Variants in EPHA5 observed in about 807,000 individuals in gnomAD.
EPHA5 encodes ephrin type-A receptor 5.
A neutral mutation model predicts 105.0 loss-of-function variants in EPHA5; 60 were observed. The ratio of observed to expected loss-of-function variants is 0.57; its 90% confidence interval spans 0.46 to 0.71. The LOEUF (loss-of-function observed/expected upper bound fraction) is 0.71, where lower values mean the gene tolerates loss of function less well. EPHA5 is among the 30% of genes least tolerant of loss of function. EPHA5 has a pLI of 0.00. For synonymous variants in EPHA5, 513 were observed against 449.1 expected (o/e 1.14, Z -1.80); for missense variants, 1,218 against 1,274.7 (o/e 0.96, Z 0.68).
intron 3 of EPHA5, among the ~76,000 whole-genome samples, chr4:65,502,433 A>G (rs186775673): frequency 4.0e-4 from 61 of 151,940 alleles, no homozygotes; most frequent in South Asian, 8.3e-4. Context: ...GCCCCATTAA[A>G]AAGCAGGCAA....
intron 11 of EPHA5, among the ~76,000 whole-genome samples, chr4:65,361,585 T>C (rs1490605909): frequency 4.0e-5 from 6 of 151,508 alleles, no homozygotes; most frequent in Non-Finnish European, 8.9e-5. Flanking sequence ...TAAGACCCTG[T>C]ATAAAGAAAA....
intron 3 of EPHA5, among the ~76,000 whole-genome samples, chr4:65,545,150 T>C (rs1737250835): frequency 6.6e-6 from 1 of 151,944 alleles, no homozygotes; most frequent in Non-Finnish European, 1.5e-5. Context: ...ATTTCTGCTA[T>C]AGTAACTTAT....
At chr4:65,585,954 T>C (rs1742080557) in intron 3 of EPHA5, among the ~76,000 whole-genome samples, 1 of 150,484 alleles carries the variant, frequency 6.6e-6, no homozygotes, top group Non-Finnish European at 1.5e-5. Context: ...CACTGAGAAA[T>C]ACAAAAGTTA....
chr4:65,369,791 A>G (rs972038605), intron 8 of EPHA5, among the ~76,000 whole-genome samples: 1 of 152,044 alleles, frequency 6.6e-6, no homozygotes, highest in Admixed American at 6.6e-5. Flanking sequence ...ACACAGTGAA[A>G]CCCAGTATCT....
chr4:65,564,075 TAAAC>T lies in EPHA5; in HGVS notation c.910+37562_910+37565del, dbSNP rs541108534. ...CTCTTTGCTATGCTTCACACAGTTT[TAAAC>T]AAACAAACAAAAAATGATTTCTTTG... On this transcript the variant is annotated intron_variant, in intron 3 of 16. Transcript: ENST00000613740. Among the ~76,000 whole-genome samples the T allele has an allele frequency of 3.9e-3, 599 of 152,052 alleles. 3 individuals carry two copies. The highest frequency in any genetic ancestry group is 0.014 in the African/African-American group (566 of 41,540).
At chr4:65,421,512 A>C (rs1723943595) in intron 5 of EPHA5, among the ~76,000 whole-genome samples, 1 of 152,172 alleles carries the variant, frequency 6.6e-6, no homozygotes, top group Non-Finnish European at 1.5e-5. Context: ...TTGAATCATG[A>C]ATTATGCTCA....
chr4:65,607,409 T>C (rs1470473306), intron 2 of EPHA5, among the ~76,000 whole-genome samples: 2 of 151,702 alleles, frequency 1.3e-5, no homozygotes, highest in Non-Finnish European at 2.9e-5. Context: ...TGGGAGAAAA[T>C]TTCTGAAATC....
At chr4:65,567,017 A>G (rs1739610789) in intron 3 of EPHA5, among the ~76,000 whole-genome samples, 1 of 151,668 alleles carries the variant, frequency 6.6e-6, no homozygotes, top group South Asian at 2.1e-4. Flanking sequence ...ACACACACCC[A>G]TATACAAACA....
At chr4:65,556,515 A>G (rs548233902) in intron 3 of EPHA5, among the ~76,000 whole-genome samples, 1 of 152,334 alleles carries the variant, frequency 6.6e-6, no homozygotes, top group African/African-American at 2.4e-5. Flanking sequence ...GCATTAAGTT[A>G]CGTTTCTATG....
intron 16 of EPHA5, among the ~76,000 whole-genome samples, chr4:65,326,016 T>C (rs1421656329): frequency 6.8e-6 from 1 of 145,988 alleles, no homozygotes; most frequent in Admixed American, 6.9e-5. Context: ...ATATATCTCA[T>C]ATATATATAT....
chr4:65,485,604 T>G (rs1316221119), intron 5 of EPHA5, among the ~76,000 whole-genome samples: 1 of 152,174 alleles, frequency 6.6e-6, no homozygotes, highest in Non-Finnish European at 1.5e-5. Context: ...TATGTATACA[T>G]TTATAAATCA....
In EPHA5 at chr4:65,413,936, C is replaced by G. The variant is rs570933317; in HGVS notation, c.1687+348G>C. The stretch of plus-strand genomic sequence containing the variant: ...GTGGAATTTTCAAAGAAAGACTAAA[C>G]CTAGTAGCCTAGTTCAATAAAACGA... On this transcript the variant is annotated intron_variant, in intron 7 of 16. Coordinates refer to ENST00000613740, the MANE Select transcript of EPHA5 (RefSeq NM_001281766.3). 7.2e-5 allele frequency among the ~76,000 whole-genome samples: 11 copies of G among 152,212 alleles called. No individual in the cohort carries two copies. The East Asian group carries it at 2.1e-3, about 29-fold the overall frequency.
At chr4:65,666,707 T>C (rs1749996107) in intron 1 of EPHA5, among the ~76,000 whole-genome samples, 1 of 152,214 alleles carries the variant, frequency 6.6e-6, no homozygotes, top group Non-Finnish European at 1.5e-5. Flanking sequence ...TAAGGATATA[T>C]TTATCTTATA....
intron 3 of EPHA5, among the ~76,000 whole-genome samples, chr4:65,591,689 T>A (rs1032072471): frequency 2.0e-5 from 3 of 151,938 alleles, no homozygotes; most frequent in Admixed American, 6.6e-5. Context: ...TTTCCCTAAG[T>A]CATGTAAATT....
chr4:65,514,117 T>C lies in EPHA5; in HGVS notation c.911-18574A>G, dbSNP rs148668132. On this transcript the variant is annotated intron_variant, in intron 3 of 16. Coordinates refer to ENST00000613740, the MANE Select transcript of EPHA5 (RefSeq NM_001281766.3). ...AGTAGTAGCTGTTCTCTCCCATGCT[T>C]GCTATAATGGGGTTCTGCATAGGAT... Among the ~76,000 whole-genome samples the C allele has an allele frequency of 2.1e-3, 318 of 152,320 alleles. 1 individual carries two copies. Among genetic ancestry groups the C allele is most frequent in the African/African-American group, 7.0e-3 (291 of 41,580 alleles).
intron 2 of EPHA5, among the ~76,000 whole-genome samples, chr4:65,623,163 G>A (rs1745851481): frequency 6.6e-6 from 1 of 151,932 alleles, no homozygotes; most frequent in Non-Finnish European, 1.5e-5. Context: ...GAAAAGATGG[G>A]TTAGTACACT....
chr4:65,616,182 A>G (rs550935008), intron 2 of EPHA5, among the ~76,000 whole-genome samples: 48 of 152,104 alleles, frequency 3.2e-4, no homozygotes, highest in South Asian at 1.0e-3. Flanking sequence ...AAAATCATAC[A>G]CAAAACGTTA....
intron 12 of EPHA5, among the ~76,000 whole-genome samples, chr4:65,352,376 C>T (rs1722897646): frequency 6.6e-6 from 1 of 152,006 alleles, no homozygotes; most frequent in Non-Finnish European, 1.5e-5. Flanking sequence ...ATTAAAATTA[C>T]AAACTGCCAG....
Position 65,602,175 on chromosome 4 carries a change from T to G in EPHA5, c.376A>C (p.Ile126Leu), listed in dbSNP as rs1257033070. 1.2e-6 allele frequency: 2 copies of G among 1,614,098 alleles called. No individual in the cohort carries two copies. Among genetic ancestry groups the G allele is most frequent in the Admixed American group, 3.3e-5 (2 of 60,010 alleles). ...AGGGTAAATTTGAGTTCTATGAAGA[T>G]TCTGGAAGCACCTTCATTGGAGATC... Reference protein sequence around the residue: ...SWISNEGASRIFIELKFTLRD... With the variant: ...SWISNEGASRLFIELKFTLRD... Residue 126 changes from isoleucine to leucine, a missense_variant, in exon 3 of 17, where the codon ATC becomes CTC. Ile to Leu is a conservative substitution (Grantham distance 5, BLOSUM62 2). Coordinates refer to ENST00000613740, the MANE Select transcript of EPHA5 (RefSeq NM_001281766.3).
Sources: gnomAD v4.1 joint callset for allele counts (sites outside exome capture counted in the v4.1 genomes callset) on GRCh38, gnomAD v4.1.1 for gene constraint, MANE v1.5 for transcripts, NCBI Gene and HGNC (gene_info 2026-07-23, HGNC 2026-07-21) for gene names.